Variants in EPHB1 observed in about 807,000 individuals in gnomAD.
EPHB1 encodes the protein EPH receptor B1.
Under a neutral mutation model 94.4 loss-of-function variants are expected in EPHB1, and 30 were observed. The observed-to-expected ratio is 0.32, with a 90% CI of 0.24 to 0.43. EPHB1 has a LOEUF of 0.43. EPHB1 is among the 20% of genes least tolerant of loss of function. The pLI is 1.00. For synonymous variants in EPHB1, 522 were observed against 489.1 expected, an observed-to-expected ratio of 1.07 and a Z score of -0.89; for missense variants, 1,055 against 1,308.3, an observed-to-expected ratio of 0.81 and a Z score of 2.99.
intron 3 of EPHB1, among the ~76,000 whole-genome samples, chr3:135,030,251 G>A (rs538236046): frequency 6.6e-6 from 1 of 152,292 alleles, no homozygotes; most frequent in African/African-American, 2.4e-5. Flanking sequence ...GTCCAGCTTT[G>A]TTCTGTTGCT....
intron 1 of EPHB1, among the ~76,000 whole-genome samples, chr3:134,884,642 A>C (rs760667518): frequency 6.6e-6 from 1 of 152,154 alleles, no homozygotes; most frequent in Non-Finnish European, 1.5e-5. Flanking sequence ...ATTTAATAAT[A>C]CTCTTTCCTT....
intron 4 of EPHB1, among the ~76,000 whole-genome samples, chr3:135,129,027 G>A (rs1303873015): frequency 6.6e-6 from 1 of 152,158 alleles, no homozygotes; most frequent in Non-Finnish European, 1.5e-5. Context: ...TTGGAAGGAA[G>A]GGATTCAGAT....
At chr3:135,042,823 G>A (rs1936893263) in intron 3 of EPHB1, among the ~76,000 whole-genome samples, 1 of 152,070 alleles carries the variant, frequency 6.6e-6, no homozygotes, top group South Asian at 2.1e-4. Flanking sequence ...CCTAAAACAT[G>A]TATGTATTTA....
Position 134,906,553 on chromosome 3 carries a change from C to T in EPHB1, c.59-19263C>T, listed in dbSNP as rs539101422. ...CTAGCATGTTTGTCCAGGCCACAACCCTTCACTATCTAGTGGTGGGAAAAT... is the reference window on the plus strand; with the variant it reads ...CTAGCATGTTTGTCCAGGCCACAACTCTTCACTATCTAGTGGTGGGAAAAT... On this transcript the variant is annotated intron_variant, in intron 1 of 15. Transcript: ENST00000398015. Among the ~76,000 whole-genome samples, 33 of 152,246 alleles carry T rather than the reference C, an allele frequency of 2.2e-4. 1 individual carries two copies. The highest frequency in any genetic ancestry group is 7.9e-4 in the African/African-American group (33 of 41,534).
chr3:135,012,312 G>A (rs1361677468), intron 3 of EPHB1, among the ~76,000 whole-genome samples: 2 of 152,206 alleles, frequency 1.3e-5, no homozygotes, highest in African/African-American at 4.8e-5. Flanking sequence ...CCATGTGGCA[G>A]TGGGCTGGTG....
intron 1 of EPHB1, among the ~76,000 whole-genome samples, chr3:134,913,146 A>G (rs558710547): frequency 9.2e-5 from 14 of 152,300 alleles, no homozygotes; most frequent in African/African-American, 3.1e-4. Context: ...CCCGTCCATC[A>G]GTGAACCATA....
At chr3:135,031,034 T>G (rs1182357344) in intron 3 of EPHB1, among the ~76,000 whole-genome samples, 3 of 152,216 alleles carry the variant, frequency 2.0e-5, no homozygotes, top group African/African-American at 7.2e-5. Flanking sequence ...GGGAACTCCC[T>G]GACCCCTTGC....
chr3:135,082,852 A>C (rs1225335982), intron 3 of EPHB1, among the ~76,000 whole-genome samples: 4 of 152,238 alleles, frequency 2.6e-5, no homozygotes, highest in African/African-American at 9.6e-5. Context: ...TGATTCATAG[A>C]GTACTGGGGG....
At chr3:135,258,958 G>T (rs1559896352) in intron 15 of EPHB1, 54 bp from the exon 16 acceptor site, 3 of 1,395,238 alleles carry the variant, frequency 2.2e-6, no homozygotes, top group African/African-American at 2.9e-5. Flanking sequence ...GTTTTGATCT[G>T]CGAAAAGCTA....
At chr3:134,814,214 C>G (rs1032026794) in intron 1 of EPHB1, among the ~76,000 whole-genome samples, 2 of 152,116 alleles carry the variant, frequency 1.3e-5, no homozygotes, top group Non-Finnish European at 2.9e-5. Flanking sequence ...GACTGATATA[C>G]CTGTTGCTGG....
chr3:134,822,243 C>G (rs560989235), intron 1 of EPHB1, among the ~76,000 whole-genome samples: 1 of 152,230 alleles, frequency 6.6e-6, no homozygotes, highest in African/African-American at 2.4e-5. Context: ...ACTGGCTGTG[C>G]CCTGTGTTGC....
chr3:135,099,864 G>T (rs1938967890), intron 3 of EPHB1, among the ~76,000 whole-genome samples: 1 of 152,146 alleles, frequency 6.6e-6, no homozygotes, highest in African/African-American at 2.4e-5. Flanking sequence ...TAAAGGAAGG[G>T]GAGGTTGTAG....
At chr3:134,801,260 T>C (rs1054814747) in intron 1 of EPHB1, among the ~76,000 whole-genome samples, 4 of 152,196 alleles carry the variant, frequency 2.6e-5, no homozygotes, top group Non-Finnish European at 5.9e-5. Context: ...TATACACTCA[T>C]AGACACAGGG....
intron 1 of EPHB1, among the ~76,000 whole-genome samples, chr3:134,861,991 A>G (rs1443177169): frequency 6.6e-6 from 1 of 152,146 alleles, no homozygotes; most frequent in Non-Finnish European, 1.5e-5. Flanking sequence ...GAGCCCTGAA[A>G]CACATGAACT....
chr3:135,000,743 C>T (rs1357648967), intron 3 of EPHB1, among the ~76,000 whole-genome samples: 4 of 152,178 alleles, frequency 2.6e-5, no homozygotes, highest in African/African-American at 7.2e-5. Flanking sequence ...CAATTACACA[C>T]ATTTGTTATA....
intron 1 of EPHB1, among the ~76,000 whole-genome samples, chr3:134,798,590 G>A (rs922045073): frequency 1.3e-5 from 2 of 152,212 alleles, no homozygotes; most frequent in Non-Finnish European, 2.9e-5. Flanking sequence ...GAGTAAGGCA[G>A]GCTGTGGTGG....
At chr3:135,144,136 G>C (rs778569862) in intron 5 of EPHB1, among the ~76,000 whole-genome samples, 2 of 152,188 alleles carry the variant, frequency 1.3e-5, no homozygotes, top group African/African-American at 2.4e-5. Flanking sequence ...CATGAGTTGT[G>C]GGGAGGGAGC....
At chr3:134,801,544 C>G (rs978720774) in intron 1 of EPHB1, among the ~76,000 whole-genome samples, 4 of 152,180 alleles carry the variant, frequency 2.6e-5, no homozygotes, top group Admixed American at 2.6e-4. Context: ...TATGCACTAG[C>G]CACTTAAGCA....
At chr3:135,200,285 G>A (rs1164579489) in intron 11 of EPHB1, among the ~76,000 whole-genome samples, 1 of 152,202 alleles carries the variant, frequency 6.6e-6, no homozygotes, top group Non-Finnish European at 1.5e-5. Context: ...TGAAGAGTCT[G>A]TTGTCTAACC....
Sources: gnomAD v4.1 joint callset for allele counts (sites outside exome capture counted in the v4.1 genomes callset) on GRCh38, gnomAD v4.1.1 for gene constraint, MANE v1.5 for transcripts, NCBI Gene and HGNC (gene_info 2026-07-23, HGNC 2026-07-21) for gene names.